The following TENM3 variants were observed in gnomAD, a reference collection of about 807,000 sequenced individuals.
TENM3 encodes the protein teneurin-3.
A neutral mutation model predicts 255.1 loss-of-function variants in TENM3; 63 were observed. The ratio of observed to expected loss-of-function variants is 0.25; its 90% CI spans 0.20 to 0.30. The LOEUF is 0.30. TENM3 is among the 10% of genes least tolerant of loss of function. TENM3 has a pLI of 1.00. For synonymous variants in TENM3, 1,306 were observed against 1,322.3 expected, an observed-to-expected ratio of 0.99 and a Z score of 0.27; for missense variants, 2,929 against 3,461.1, an observed-to-expected ratio of 0.85 and a Z score of 3.86.
the TENM3 span, among the ~76,000 whole-genome samples, chr4:181,455,545 G>A: frequency 2.6e-5 from 4 of 151,992 alleles, no homozygotes; most frequent in African/African-American, 9.7e-5. Flanking sequence ...CACTTTTTAA[G>A]ATATTGAGTC....
At chr4:182,700,320 A>G (rs778725750) in intron 12 of TENM3, among the ~76,000 whole-genome samples, 7 of 152,180 alleles carry the variant, frequency 4.6e-5, no homozygotes, top group Non-Finnish European at 7.4e-5. Context: ...GTATGTTGTT[A>G]TCTTTTCAAT....
chr4:182,536,660 T>C (rs1003073503), intron 3 of TENM3, among the ~76,000 whole-genome samples: 1 of 152,204 alleles, frequency 6.6e-6, no homozygotes, highest in African/African-American at 2.4e-5. Flanking sequence ...CCTGCTTTGA[T>C]GGCTTGGCGG....
At chr4:182,064,113 G>A in the TENM3 span, among the ~76,000 whole-genome samples, 792 of 151,260 alleles carry the variant, frequency 5.2e-3, 7 homozygotes, top group African/African-American at 0.017. Flanking sequence ...CCTCAACCGT[G>A]TAATACCTTT....
intron 3 of TENM3, among the ~76,000 whole-genome samples, chr4:182,377,605 C>A (rs1393623936): frequency 1.3e-5 from 2 of 152,196 alleles, no homozygotes; most frequent in African/African-American, 4.8e-5. Context: ...TGAGCCACCA[C>A]GCCCGGCTCC....
intron 3 of TENM3, among the ~76,000 whole-genome samples, chr4:182,402,332 T>C (rs1429632119): frequency 2.6e-5 from 4 of 152,222 alleles, no homozygotes; most frequent in Non-Finnish European, 5.9e-5. Flanking sequence ...TGGGAAAGTG[T>C]GAATTCCCTC....
At chr4:181,472,964 A>C in the TENM3 span, among the ~76,000 whole-genome samples, 1 of 152,200 alleles carries the variant, frequency 6.6e-6, no homozygotes, top group Non-Finnish European at 1.5e-5. Flanking sequence ...AAAAGTAGAG[A>C]TAGTTTTGGA....
chr4:181,651,094 G>A, the TENM3 span, among the ~76,000 whole-genome samples: 1 of 152,102 alleles, frequency 6.6e-6, no homozygotes, highest in East Asian at 1.9e-4. Context: ...GGAATAAAAA[G>A]CATCAAAGTG....
At chr4:181,775,764 G>A in the TENM3 span, among the ~76,000 whole-genome samples, 2 of 151,952 alleles carry the variant, frequency 1.3e-5, no homozygotes. Context: ...GTTGTCACCA[G>A]CATTATTTAT....
At chr4:182,488,306 C>A (rs1005325610) in intron 3 of TENM3, among the ~76,000 whole-genome samples, 41 of 151,968 alleles carry the variant, frequency 2.7e-4, no homozygotes, top group African/African-American at 9.7e-4. Flanking sequence ...AAAATACATA[C>A]CAGCAGAAAA....
At position 182,401,825 on chromosome 4, in the gene TENM3, C is replaced by A. The variant is rs548174948; in HGVS notation, c.511+54896C>A. Among the ~76,000 whole-genome samples, 4 of 152,170 alleles carry A rather than the reference C, an allele frequency of 2.6e-5. No homozygotes were observed. The East Asian group carries it at 7.7e-4, about 29-fold the overall frequency. Reference sequence around the variant, plus strand: ...CATTTAACATTTACACTTTCTATTCCCTTTATTCTGTTACACATTGTAGTT... The same window carrying A: ...CATTTAACATTTACACTTTCTATTCACTTTATTCTGTTACACATTGTAGTT... On this transcript the variant is annotated intron_variant, in intron 3 of 27. Transcript: ENST00000511685.
chr4:181,812,991 T>C, the TENM3 span, among the ~76,000 whole-genome samples: 1 of 152,214 alleles, frequency 6.6e-6, no homozygotes, highest in African/African-American at 2.4e-5. Flanking sequence ...CTTCCATCTC[T>C]TGAAGATAAC....
intron 12 of TENM3, among the ~76,000 whole-genome samples, chr4:182,713,679 T>C (rs1376100613): frequency 6.6e-6 from 1 of 152,232 alleles, no homozygotes; most frequent in Admixed American, 6.5e-5. Flanking sequence ...TAAGAAGGCA[T>C]GTCTTGATAA....
the TENM3 span, among the ~76,000 whole-genome samples, chr4:181,560,981 G>A: frequency 2.6e-5 from 4 of 152,120 alleles, no homozygotes; most frequent in African/African-American, 9.7e-5. Context: ...TCTTAAGGCA[G>A]AGTCTCTGTC....
At chr4:182,576,325 A>G (rs763464079) in intron 3 of TENM3, among the ~76,000 whole-genome samples, 3 of 152,222 alleles carry the variant, frequency 2.0e-5, no homozygotes, top group African/African-American at 7.2e-5. Flanking sequence ...TCTGTACTCA[A>G]TGCTGTGGAC....
chr4:181,570,972 C>T, the TENM3 span, among the ~76,000 whole-genome samples: 1 of 150,960 alleles, frequency 6.6e-6, no homozygotes, highest in Non-Finnish European at 1.5e-5. Flanking sequence ...GACGTCCAGG[C>T]TGATGGGAGA....
upstream of TENM3, chr4:182,142,548 T>C (rs1749522116): frequency 6.0e-6 from 1 of 167,186 alleles, no homozygotes; most frequent in Admixed American, 6.5e-5. Flanking sequence ...AAAATGCAAG[T>C]GGATTTCCTA....
the TENM3 span, among the ~76,000 whole-genome samples, chr4:181,513,684 A>G: frequency 6.6e-6 from 1 of 152,224 alleles, no homozygotes; most frequent in Non-Finnish European, 1.5e-5. Flanking sequence ...TACACAAAAT[A>G]TGAGCTTTTT....
At chr4:181,537,985 T>A in the TENM3 span, among the ~76,000 whole-genome samples, 6 of 152,304 alleles carry the variant, frequency 3.9e-5, no homozygotes, top group South Asian at 1.2e-3. Context: ...TGGGAAGGCT[T>A]GGCATAGGAG....
At chr4:182,129,644 A>T in the TENM3 span, among the ~76,000 whole-genome samples, 1 of 152,202 alleles carries the variant, frequency 6.6e-6, no homozygotes, top group Admixed American at 6.5e-5. Context: ...TTAGTGCTGT[A>T]CTTTTTGTTG....
Sources: allele counts gnomAD v4.1 joint callset (sites outside exome capture counted in the v4.1 genomes callset), GRCh38; gene constraint gnomAD v4.1.1; transcripts MANE v1.5; gene names NCBI Gene and HGNC (gene_info 2026-07-23, HGNC 2026-07-21).